ZNF469: variants seen among roughly 807,000 people sequenced by gnomAD.
The protein encoded by ZNF469 is zinc finger protein 469.
A neutral mutation model predicts 1.0 loss-of-function variants in ZNF469; 1 was observed. That is an observed-to-expected ratio of 1.00 (90% CI 0.35 to 4.73). The LOEUF (loss-of-function observed/expected upper bound fraction) is 4.73. ZNF469 is among the 30% of genes most tolerant of loss of function. ZNF469 has a pLI of 0.16. For missense variants in ZNF469, 6,100 were observed against 5,356.3 expected (o/e 1.14, Z -4.33); for synonymous variants, 2,703 against 2,363.4 (o/e 1.14, Z -4.17).
At chr16:88,244,048 A>G in the ZNF469 span, among the ~76,000 whole-genome samples, 1 of 133,914 alleles carries the variant, frequency 7.5e-6, no homozygotes, top group African/African-American at 2.8e-5. Flanking sequence ...TGGATGGGTG[A>G]ATGGATGAGT....
At chr16:88,317,667 T>C in the ZNF469 span, among the ~76,000 whole-genome samples, 1 of 152,206 alleles carries the variant, frequency 6.6e-6, no homozygotes, top group Admixed American at 6.5e-5. Flanking sequence ...TTCTCTTTCC[T>C]CACTCTGGCT....
At chr16:88,229,610 T>TGTAACGCGTGTGC in the ZNF469 span, among the ~76,000 whole-genome samples, 3 of 54,912 alleles carry the variant, frequency 5.5e-5, no homozygotes, top group African/African-American at 1.3e-4. Context: ...CACGCGTGTG[T>TGTAACGCGTGTGC]GCTGATGTCA....
the ZNF469 span, among the ~76,000 whole-genome samples, chr16:88,299,411 A>T: frequency 6.6e-6 from 1 of 152,174 alleles, no homozygotes; most frequent in Non-Finnish European, 1.5e-5. Context: ...GCCGGAGGGC[A>T]GAGGCTCCAG....
the ZNF469 span, among the ~76,000 whole-genome samples, chr16:88,329,091 G>A: frequency 6.6e-6 from 1 of 152,212 alleles, no homozygotes; most frequent in Non-Finnish European, 1.5e-5. Context: ...GACCCATGAT[G>A]TGCTGACCGG....
chr16:88,376,044 C>T, the ZNF469 span, among the ~76,000 whole-genome samples: 2 of 152,206 alleles, frequency 1.3e-5, no homozygotes, highest in East Asian at 1.9e-4. Context: ...AGAAAACCCG[C>T]GTACACTGAG....
At chr16:88,375,606 T>C in the ZNF469 span, among the ~76,000 whole-genome samples, 1 of 152,220 alleles carries the variant, frequency 6.6e-6, no homozygotes, top group Admixed American at 6.5e-5. Context: ...TTCCCACGTT[T>C]CCTTCCAGCC....
the ZNF469 span, among the ~76,000 whole-genome samples, chr16:88,190,737 T>C: frequency 1.3e-3 from 191 of 152,314 alleles, no homozygotes; most frequent in African/African-American, 4.3e-3. Context: ...TGGCTTGAAC[T>C]AGGGAAGTAT....
At chr16:88,307,286 T>C in the ZNF469 span, among the ~76,000 whole-genome samples, 2 of 152,268 alleles carry the variant, frequency 1.3e-5, no homozygotes, top group African/African-American at 4.8e-5. Flanking sequence ...TTTTTGGCTA[T>C]TGTGAATAAT....
the ZNF469 span, among the ~76,000 whole-genome samples, chr16:88,376,155 T>C: frequency 1.2e-4 from 19 of 152,258 alleles, no homozygotes; most frequent in Non-Finnish European, 1.5e-5. Flanking sequence ...GCCAGTTGTC[T>C]GCACGCCTTC....
At chr16:88,375,096 G>A in the ZNF469 span, among the ~76,000 whole-genome samples, 1 of 152,254 alleles carries the variant, frequency 6.6e-6, no homozygotes, top group Non-Finnish European at 1.5e-5. Flanking sequence ...GCGCAGGGCA[G>A]GGTGGTTGAT....
At chr16:88,109,793 C>G in the ZNF469 span, among the ~76,000 whole-genome samples, 2 of 152,006 alleles carry the variant, frequency 1.3e-5, no homozygotes, top group Non-Finnish European at 2.9e-5. Context: ...GCGTCTGTGT[C>G]CACGCTGTCT....
Position 88,435,355 on chromosome 16 carries a change from G to A in ZNF469, c.7885G>A (p.Gly2629Arg). 1 of 1,550,384 alleles carries A rather than the reference G, an allele frequency of 6.5e-7. No individual in the cohort carries two copies. The highest frequency in any genetic ancestry group is 8.7e-7 in the Non-Finnish European group (1 of 1,146,990). Residue 2629 changes from glycine (G) to arginine (R), a missense_variant, in exon 3 of 3, where the codon GGG (glycine) becomes AGG (arginine). Gly to Arg is a moderately radical substitution (Grantham distance 125). Coordinates refer to ENST00000565624, the MANE Select transcript of ZNF469 (RefSeq NM_001367624.2). ...CGTGGACTCTCCTAGCCACTCAGAG[G>A]GGAAGTCAAATAAGAAAAGGGGAAA... is the stretch of plus-strand genomic sequence containing the variant. The part of the protein sequence containing the change: ...PTVDSPSHSE[G>R]KSNKKRGKLR...
chr16:88,346,694 T>G, the ZNF469 span, among the ~76,000 whole-genome samples: 28 of 152,130 alleles, frequency 1.8e-4, no homozygotes, highest in South Asian at 2.1e-4. Context: ...ATTTTTTAAT[T>G]TTTGTAGTGA....
chr16:88,349,059 C>T, the ZNF469 span, among the ~76,000 whole-genome samples: 3 of 152,300 alleles, frequency 2.0e-5, no homozygotes, highest in East Asian at 5.8e-4. Context: ...CATCGCTTTA[C>T]TCGGAAAGAT....
At chr16:88,120,441 C>G in the ZNF469 span, among the ~76,000 whole-genome samples, 1 of 152,262 alleles carries the variant, frequency 6.6e-6, no homozygotes, top group East Asian at 1.9e-4. Flanking sequence ...GGCTGGGAAA[C>G]AGCGGAGATG....
At chr16:88,256,979 A>T in the ZNF469 span, among the ~76,000 whole-genome samples, 1 of 109,406 alleles carries the variant, frequency 9.1e-6, no homozygotes. Context: ...ATGGAGTTTC[A>T]CTCTTGTTGC....
rs1357051976 is a variant in ZNF469, at chr16:88,431,750, C to T, written c.4280C>T (p.Pro1427Leu). Residue 1427 changes from proline to leucine, a missense_variant, in exon 3 of 3, where the codon CCA becomes CTA. By Grantham distance (98) the Pro-to-Leu change is moderately conservative. Coordinates refer to ENST00000565624, the MANE Select transcript of ZNF469 (RefSeq NM_001367624.2). ...QDGEDAGSLE[P>L]QLPRSPPGTA... ...GGCGAGGATGCCGGTTCCCTCGAGC[C>T]ACAGCTGCCAAGGAGCCCACCTGGC... 2 of 1,549,982 alleles carry T rather than the reference C, an allele frequency of 1.3e-6. No individual in the cohort carries two copies. The highest frequency in any genetic ancestry group is 1.4e-5 in the African/African-American group (1 of 73,054).
At chr16:88,406,489 C>T (rs551457409) in intron 1 of ZNF469, among the ~76,000 whole-genome samples, 253 of 152,372 alleles carry the variant, frequency 1.7e-3, no homozygotes, top group Admixed American at 3.9e-3. Flanking sequence ...TAGCCTGCGC[C>T]TGCCGCCTGC....
At chr16:88,270,431 G>A in the ZNF469 span, among the ~76,000 whole-genome samples, 106 of 152,338 alleles carry the variant, frequency 7.0e-4, no homozygotes, top group Middle Eastern at 3.4e-3. Context: ...CTGCTGCCTG[G>A]AGGGTATGGA....
Sources: allele counts gnomAD v4.1 joint callset (sites outside exome capture counted in the v4.1 genomes callset), GRCh38; gene constraint gnomAD v4.1.1; transcripts MANE v1.5; gene names NCBI Gene and HGNC (gene_info 2026-07-23, HGNC 2026-07-21).